Variants in PTPN13 observed in about 807,000 individuals in gnomAD.
PTPN13 encodes the protein tyrosine-protein phosphatase non-receptor type 13.
A neutral mutation model predicts 284.0 loss-of-function variants in PTPN13; 191 were observed. The observed-to-expected ratio is 0.67, with a 90% CI of 0.60 to 0.76. The LOEUF (loss-of-function observed/expected upper bound fraction) is 0.76, where lower values mean the gene tolerates loss of function less well. PTPN13 is among the 30% of genes least tolerant of loss of function. The pLI, the probability that PTPN13 is intolerant of heterozygous loss-of-function variation, is 0.00. For synonymous variants in PTPN13, 986 were observed against 1,022.3 expected, an observed-to-expected ratio of 0.96 and a Z score of 0.68; for missense variants, 2,797 against 2,939.9, an observed-to-expected ratio of 0.95 and a Z score of 1.12.
chr4:86,775,376 T>G, intron 34 of PTPN13, 34 bp downstream of exon 34: 1 of 1,604,340 alleles, frequency 6.2e-7, no homozygotes, highest in East Asian at 2.2e-5. Context: ...CAATATGATT[T>G]TCTTGGTTAG....
chr4:86,693,781 T>A (rs1730290373), intron 6 of PTPN13, 107 bp downstream of exon 6: 1 of 707,150 alleles, frequency 1.4e-6, no homozygotes. Context: ...AGACTATGAT[T>A]AGAACGTAAA....
At chr4:86,796,370 C>T (rs1220402241) in intron 40 of PTPN13, among the ~76,000 whole-genome samples, 1 of 152,116 alleles carries the variant, frequency 6.6e-6, no homozygotes, top group Non-Finnish European at 1.5e-5. Context: ...TTCAGTGGCT[C>T]ACACCTGTAA....
chr4:86,746,507 G>A (rs1736777940), intron 17 of PTPN13, among the ~76,000 whole-genome samples: 1 of 152,168 alleles, frequency 6.6e-6, no homozygotes, highest in South Asian at 2.1e-4. Flanking sequence ...TGATAGGGGT[G>A]GAGGTTGTAT....
intron 2 of PTPN13, among the ~76,000 whole-genome samples, chr4:86,635,922 C>T (rs1306607056): frequency 6.6e-6 from 1 of 152,086 alleles, no homozygotes; most frequent in Admixed American, 6.5e-5. Flanking sequence ...AAGATTATGC[C>T]ACTGCACTCC....
chr4:86,774,588 G>T, intron 33 of PTPN13, 57 bp downstream of exon 33: 2 of 1,448,300 alleles, frequency 1.4e-6, no homozygotes, highest in Non-Finnish European at 1.9e-6. Flanking sequence ...GAGCAAGCCA[G>T]AAAAAGAAGA....
intron 32 of PTPN13, among the ~76,000 whole-genome samples, chr4:86,773,521 A>G (rs983261426): frequency 3.3e-5 from 5 of 152,182 alleles, no homozygotes; most frequent in African/African-American, 1.2e-4. Context: ...CAAAATTTCC[A>G]AGTATAATAT....
At chr4:86,636,767 A>C (rs1389441528) in intron 2 of PTPN13, among the ~76,000 whole-genome samples, 1 of 152,318 alleles carries the variant, frequency 6.6e-6, no homozygotes, top group East Asian at 1.9e-4. Flanking sequence ...AATTGAAAGA[A>C]CTAGAAAAGC....
At chr4:86,678,984 TA>T (rs1469271426) in intron 3 of PTPN13, among the ~76,000 whole-genome samples, 1 of 152,184 alleles carries the variant, frequency 6.6e-6, no homozygotes, top group Non-Finnish European at 1.5e-5. Context: ...TATTCCTGTT[TA>T]AAATTATTCA....
At chr4:86,722,693 C>T (rs1733803643) in intron 10 of PTPN13, among the ~76,000 whole-genome samples, 1 of 152,054 alleles carries the variant, frequency 6.6e-6, no homozygotes, top group Admixed American at 6.6e-5. Context: ...AAAGTATATT[C>T]ATAATCCTTA....
chr4:86,712,488 A>G (rs1732531986), intron 7 of PTPN13, among the ~76,000 whole-genome samples: 1 of 152,066 alleles, frequency 6.6e-6, no homozygotes, highest in Non-Finnish European at 1.5e-5. Context: ...CGTTAAATTT[A>G]TTATTCATAA....
chr4:86,789,137 A>G (rs971974681), intron 40 of PTPN13, among the ~76,000 whole-genome samples: 27 of 152,218 alleles, frequency 1.8e-4, no homozygotes, highest in Admixed American at 1.1e-3. Flanking sequence ...AGCTAAACCT[A>G]AAAAGATAGG....
intron 40 of PTPN13, among the ~76,000 whole-genome samples, chr4:86,794,364 A>G (rs942919041): frequency 2.6e-5 from 4 of 152,220 alleles, no homozygotes; most frequent in African/African-American, 9.6e-5. Context: ...CTCTTCAAGC[A>G]GAACTACAAA....
chr4:86,633,713 A>G (rs1722714942), intron 1 of PTPN13, among the ~76,000 whole-genome samples: 1 of 152,126 alleles, frequency 6.6e-6, no homozygotes, highest in Non-Finnish European at 1.5e-5. Flanking sequence ...ATATTATCTG[A>G]TCCCTCTGTT....
chr4:86,748,694 T>C (rs1737048588), intron 17 of PTPN13, among the ~76,000 whole-genome samples: 1 of 152,186 alleles, frequency 6.6e-6, no homozygotes, highest in African/African-American at 2.4e-5. Flanking sequence ...ATCGCTCTGT[T>C]GCTCAGGCTG....
At chr4:86,738,639 A>G (rs538713702) in intron 15 of PTPN13, among the ~76,000 whole-genome samples, 1 of 152,064 alleles carries the variant, frequency 6.6e-6, no homozygotes, top group African/African-American at 2.4e-5. Flanking sequence ...TGGGTTTTAC[A>G]TATATTTATT....
At chr4:86,764,569 C>A in intron 24 of PTPN13, 24 bp from the exon 25 acceptor site, 1 of 1,382,772 alleles carries the variant, frequency 7.2e-7, no homozygotes, top group South Asian at 1.7e-5. Flanking sequence ...AACAAGAAAT[C>A]TTTGTTTGTT....
chr4:86,629,512 AT>A, intron 1 of PTPN13, among the ~76,000 whole-genome samples: 2 of 152,244 alleles, frequency 1.3e-5, no homozygotes, highest in Middle Eastern at 3.4e-3. Flanking sequence ...ACTGTGGTTC[AT>A]TTTTTAACAG....
chr4:86,678,198 TAAC>T (rs1728505778), intron 3 of PTPN13, among the ~76,000 whole-genome samples: 1 of 152,168 alleles, frequency 6.6e-6, no homozygotes, highest in Admixed American at 6.5e-5. Flanking sequence ...AATTAGAAAA[TAAC>T]AACCTGCTGT....
chr4:86,714,544 A>C (rs200512256), intron 7 of PTPN13, among the ~76,000 whole-genome samples: 1 of 151,620 alleles, frequency 6.6e-6, no homozygotes, highest in Non-Finnish European at 1.5e-5. Flanking sequence ...TGTGGGGGGG[A>C]AAATCTATTT....
Sources: allele counts gnomAD v4.1 joint callset (sites outside exome capture counted in the v4.1 genomes callset), GRCh38; gene constraint gnomAD v4.1.1; transcripts MANE v1.5; gene names NCBI Gene and HGNC (gene_info 2026-07-23, HGNC 2026-07-21).